The following COLEC10 variants were observed in gnomAD, a reference collection of about 807,000 sequenced individuals.
COLEC10 encodes collectin subfamily member 10, also known as collectin-10.
Under a neutral mutation model 28.4 loss-of-function variants are expected in COLEC10, and 22 were observed. The ratio of observed to expected loss-of-function variants is 0.78; its 90% CI spans 0.55 to 1.11. The LOEUF (loss-of-function observed/expected upper bound fraction) is 1.11. Among genes scored for constraint, COLEC10 ranks in the 50% least tolerant of loss-of-function variants. The pLI, the probability that COLEC10 is intolerant of heterozygous loss-of-function variation, is 0.00. For missense variants in COLEC10, 361 were observed against 344.1 expected (o/e 1.05, Z -0.39); for synonymous variants, 125 against 116.1 (o/e 1.08, Z -0.49).
chr8:119,037,239 AATT>A (rs1280674249), intron 2 of COLEC10, among the ~76,000 whole-genome samples: 2 of 152,288 alleles, frequency 1.3e-5, no homozygotes, highest in East Asian at 3.9e-4. Context: ...TCCATTTTCT[AATT>A]ATTCTATTTT....
intron 2 of COLEC10, among the ~76,000 whole-genome samples, chr8:119,040,178 A>G (rs1485647576): frequency 6.6e-6 from 1 of 152,208 alleles, no homozygotes; most frequent in Non-Finnish European, 1.5e-5. Context: ...TCTCTCAGGT[A>G]AATTATGTTT....
the COLEC10 span, among the ~76,000 whole-genome samples, chr8:118,954,466 T>G: frequency 9.2e-5 from 14 of 152,194 alleles, no homozygotes; most frequent in East Asian, 2.5e-3. Context: ...TTAATTGGAA[T>G]GGACCCAGGG....
At chr8:118,981,446 A>G in the COLEC10 span, among the ~76,000 whole-genome samples, 2 of 152,206 alleles carry the variant, frequency 1.3e-5, no homozygotes, top group East Asian at 1.9e-4. Flanking sequence ...TAGGAATACT[A>G]TACACATTTT....
At chr8:119,054,875 T>G (rs939392905) in intron 2 of COLEC10, among the ~76,000 whole-genome samples, 1 of 152,052 alleles carries the variant, frequency 6.6e-6, no homozygotes, top group African/African-American at 2.4e-5. Context: ...GAAGTAGAAA[T>G]TTTAGTCATT....
chr8:119,051,673 T>C (rs1486249933), intron 2 of COLEC10, among the ~76,000 whole-genome samples: 5 of 152,138 alleles, frequency 3.3e-5, no homozygotes, highest in African/African-American at 1.2e-4. Context: ...ATAAAAACAA[T>C]GAAAAGCTCA....
At chr8:119,096,782 A>G (rs1815727093) in intron 3 of COLEC10, among the ~76,000 whole-genome samples, 1 of 152,088 alleles carries the variant, frequency 6.6e-6, no homozygotes, top group South Asian at 2.1e-4. Flanking sequence ...AAAAAAGGTC[A>G]AAAGAATAGT....
chr8:119,017,481 G>C (rs902145204), intron 2 of COLEC10, among the ~76,000 whole-genome samples: 1 of 152,154 alleles, frequency 6.6e-6, no homozygotes, highest in Non-Finnish European at 1.5e-5. Context: ...ATTGTGTCGA[G>C]AAGGATTCTG....
chr8:119,010,386 T>G (rs747463372), intron 2 of COLEC10, among the ~76,000 whole-genome samples: 1 of 151,080 alleles, frequency 6.6e-6, no homozygotes, highest in Non-Finnish European at 1.5e-5. Context: ...TTGGACATAC[T>G]ACAATTTACT....
intron 1 of COLEC10, among the ~76,000 whole-genome samples, chr8:119,003,271 G>A (rs1204453105): frequency 6.6e-6 from 1 of 152,058 alleles, no homozygotes; most frequent in Non-Finnish European, 1.5e-5. Context: ...AATCTGATTT[G>A]AAGATGCAAT....
chr8:118,955,223 C>A, the COLEC10 span, among the ~76,000 whole-genome samples: 1 of 152,024 alleles, frequency 6.6e-6, no homozygotes, highest in African/African-American at 2.4e-5. Flanking sequence ...CAATTTTAAC[C>A]ATATTAATAT....
intron 2 of COLEC10, among the ~76,000 whole-genome samples, chr8:119,043,633 A>C (rs1814535321): frequency 6.6e-6 from 1 of 152,224 alleles, no homozygotes. Context: ...CCAACAGTAC[A>C]TTCCCGACTT....
At chr8:118,976,156 T>A in the COLEC10 span, among the ~76,000 whole-genome samples, 3 of 152,114 alleles carry the variant, frequency 2.0e-5, no homozygotes, top group Admixed American at 6.6e-5. Context: ...TCATGTTCAA[T>A]TATAATAGCT....
intron 2 of COLEC10, among the ~76,000 whole-genome samples, chr8:119,034,587 T>C (rs776878987): frequency 6.6e-6 from 1 of 152,084 alleles, no homozygotes; most frequent in Non-Finnish European, 1.5e-5. Context: ...GGCGGATGCC[T>C]ATAATCCAGC....
chr8:119,050,885 T>G (rs1195096601), intron 2 of COLEC10, among the ~76,000 whole-genome samples: 1 of 152,230 alleles, frequency 6.6e-6, no homozygotes, highest in African/African-American at 2.4e-5. Flanking sequence ...CCTATTTAAT[T>G]AAGCCAATTG....
intron 1 of COLEC10, among the ~76,000 whole-genome samples, chr8:119,006,739 T>C (rs183661857): frequency 0.018 from 2,560 of 142,474 alleles, 31 homozygotes; most frequent in Middle Eastern, 0.031. Flanking sequence ...TCTTTACCCA[T>C]TTTTTTTTAT....
At chr8:119,090,090 A>AT (rs3214976) in intron 2 of COLEC10, among the ~76,000 whole-genome samples, 3 of 151,420 alleles carry the variant, frequency 2.0e-5, no homozygotes, top group South Asian at 2.1e-4. Flanking sequence ...GCTAAGCAGC[A>AT]TTTTTTTTTT....
upstream of COLEC10, among the ~76,000 whole-genome samples, chr8:118,992,583 A>G (rs1813520396): frequency 6.6e-6 from 1 of 152,170 alleles, no homozygotes; most frequent in East Asian, 1.9e-4. Flanking sequence ...AGGGAAGCCA[A>G]ATCTATTAAG....
upstream of COLEC10, among the ~76,000 whole-genome samples, chr8:118,993,319 TTTC>T (rs561604548): frequency 4.8e-4 from 73 of 152,212 alleles, no homozygotes; most frequent in Non-Finnish European, 9.0e-4. Flanking sequence ...TCACATGATC[TTTC>T]TTCTTCTTGT....
At chr8:119,073,662 C>A in intron 1 of COLEC10, among the ~76,000 whole-genome samples, 2 of 151,396 alleles carry the variant, frequency 1.3e-5, no homozygotes, top group South Asian at 2.1e-4. Context: ...AAGTTTAGGT[C>A]ATGAAAGGAA....
Sources: gnomAD v4.1 joint callset for allele counts (sites outside exome capture counted in the v4.1 genomes callset) on GRCh38, gnomAD v4.1.1 for gene constraint, MANE v1.5 for transcripts, NCBI Gene and HGNC (gene_info 2026-07-23, HGNC 2026-07-21) for gene names.